The following PPFIA2 variants were observed in gnomAD, a reference collection of about 807,000 sequenced individuals.
The protein encoded by PPFIA2 is liprin-alpha-2.
Under a neutral mutation model 175.5 loss-of-function variants are expected in PPFIA2, and 46 were observed. That is an observed-to-expected ratio of 0.26 (90% CI 0.21 to 0.34). The LOEUF is 0.34. PPFIA2 is among the 10% of genes least tolerant of loss of function. PPFIA2 has a pLI of 1.00. For synonymous variants in PPFIA2, 568 were observed against 511.4 expected (o/e 1.11, Z -1.49); for missense variants, 1,179 against 1,506.1 (o/e 0.78, Z 3.60).
intron 4 of PPFIA2, among the ~76,000 whole-genome samples, chr12:81,629,294 A>G (rs1595782316): frequency 6.6e-6 from 1 of 152,190 alleles, no homozygotes; most frequent in East Asian, 1.9e-4. Flanking sequence ...GGAATCATTT[A>G]AAATACATTT....
intron 4 of PPFIA2, among the ~76,000 whole-genome samples, chr12:81,601,727 ACTTTCCAAAC>A (rs1197730982): frequency 6.6e-6 from 1 of 151,826 alleles, no homozygotes; most frequent in African/African-American, 2.4e-5. Context: ...CTAGTACTGT[ACTTTCCAAAC>A]CTGGTTTGTT....
intron 4 of PPFIA2, among the ~76,000 whole-genome samples, chr12:81,676,230 T>C (rs1017497321): frequency 6.6e-6 from 1 of 152,080 alleles, no homozygotes; most frequent in African/African-American, 2.4e-5. Context: ...CATAGGGATG[T>C]CATCTCTATC....
At chr12:81,373,264 C>G (rs2035608792) in intron 11 of PPFIA2, among the ~76,000 whole-genome samples, 2 of 151,580 alleles carry the variant, frequency 1.3e-5, no homozygotes, top group African/African-American at 4.8e-5. Context: ...ACTCATCTAA[C>G]CCCCCAAAAC....
At chr12:81,680,886 G>A (rs970287933) in intron 3 of PPFIA2, among the ~76,000 whole-genome samples, 2 of 151,910 alleles carry the variant, frequency 1.3e-5, no homozygotes, top group Non-Finnish European at 2.9e-5. Context: ...GTAGGTGCTG[G>A]TTCTTAGGGT....
intron 4 of PPFIA2, among the ~76,000 whole-genome samples, chr12:81,647,198 T>TA (rs1164067592): frequency 2.0e-5 from 3 of 152,058 alleles, no homozygotes; most frequent in African/African-American, 7.2e-5. Context: ...TAATTGGGCT[T>TA]AGTAGCAGAC....
At chr12:81,423,615 C>A (rs532555125) in intron 7 of PPFIA2, among the ~76,000 whole-genome samples, 1 of 152,008 alleles carries the variant, frequency 6.6e-6, no homozygotes, top group Admixed American at 6.6e-5. Context: ...AAAGATCATG[C>A]GGGAAAAGTA....
intron 4 of PPFIA2, among the ~76,000 whole-genome samples, chr12:81,489,733 T>C (rs2059228567): frequency 6.6e-6 from 1 of 151,950 alleles, no homozygotes. Flanking sequence ...AAGCTATACA[T>C]GAATAGTGAA....
Position 81,476,309 on chromosome 12 carries a change from A to C in PPFIA2, c.304-18443T>G, listed in dbSNP as rs2057471581. ...AGGTTTTTGTAGTGAGAAGTCTTTC[A>C]GACTTTCCTATTTGCCACACAGTCT... On this transcript the variant is annotated intron_variant, in intron 4 of 32. Transcript: ENST00000549396. Among the ~76,000 whole-genome samples, 3 of 152,200 alleles carry C rather than the reference A, an allele frequency of 2.0e-5. No individual in the cohort carries two copies. In the East Asian group the frequency reaches 5.8e-4, roughly 29 times the overall value.
intron 27 of PPFIA2, among the ~76,000 whole-genome samples, chr12:81,277,702 T>C (rs2040893153): frequency 6.6e-6 from 1 of 152,218 alleles, no homozygotes; most frequent in African/African-American, 2.4e-5. Context: ...TTCATTTAGC[T>C]ATTCCTACAT....
At chr12:81,477,376 G>T (rs931657035) in intron 4 of PPFIA2, among the ~76,000 whole-genome samples, 1 of 151,794 alleles carries the variant, frequency 6.6e-6, no homozygotes, top group Non-Finnish European at 1.5e-5. Context: ...TGATTATGAA[G>T]AAGTCAGGAA....
At chr12:81,620,760 C>T (rs2061962767) in intron 4 of PPFIA2, among the ~76,000 whole-genome samples, 1 of 152,144 alleles carries the variant, frequency 6.6e-6, no homozygotes, top group African/African-American at 2.4e-5. Flanking sequence ...CTAAGGTAAT[C>T]AGAATTGAGC....
At chr12:81,648,856 G>T (rs531342377) in intron 4 of PPFIA2, among the ~76,000 whole-genome samples, 1 of 151,804 alleles carries the variant, frequency 6.6e-6, no homozygotes, top group Admixed American at 6.6e-5. Flanking sequence ...CTTGATTTTG[G>T]CAAAATACTA....
At chr12:81,592,950 G>T (rs1013868805) in intron 4 of PPFIA2, among the ~76,000 whole-genome samples, 1 of 151,926 alleles carries the variant, frequency 6.6e-6, no homozygotes, top group African/African-American at 2.4e-5. Context: ...TAGAGACGGG[G>T]TTTCTCTGTG....
intron 7 of PPFIA2, among the ~76,000 whole-genome samples, chr12:81,417,010 T>C (rs1293951264): frequency 6.6e-6 from 1 of 151,802 alleles, no homozygotes; most frequent in African/African-American, 2.4e-5. Context: ...AAAGTTTATA[T>C]TTCATTTACT....
chr12:81,657,678 G>A (rs1427361232), intron 4 of PPFIA2, among the ~76,000 whole-genome samples: 5 of 152,136 alleles, frequency 3.3e-5, no homozygotes, highest in African/African-American at 4.8e-5. Flanking sequence ...AATGCAAACT[G>A]ATGTACCTTA....
chr12:81,672,558 T>C (rs958098468), intron 4 of PPFIA2, among the ~76,000 whole-genome samples: 1 of 151,920 alleles, frequency 6.6e-6, no homozygotes, highest in Admixed American at 6.6e-5. Flanking sequence ...ATGAATTAGA[T>C]GGGTAATCAC....
chr12:81,415,468 A>G (rs1161573801), intron 7 of PPFIA2, among the ~76,000 whole-genome samples: 1 of 149,794 alleles, frequency 6.7e-6, no homozygotes, highest in Non-Finnish European at 1.5e-5. Flanking sequence ...TTAATTGAAA[A>G]TACATCATAT....
chr12:81,680,888 T>C (rs2073487874), intron 3 of PPFIA2, among the ~76,000 whole-genome samples: 1 of 152,080 alleles, frequency 6.6e-6, no homozygotes, highest in South Asian at 2.1e-4. Flanking sequence ...AGGTGCTGGT[T>C]CTTAGGGTCA....
At chr12:81,292,068 T>A (rs1459495743) in intron 24 of PPFIA2, among the ~76,000 whole-genome samples, 4 of 152,116 alleles carry the variant, frequency 2.6e-5, no homozygotes, top group African/African-American at 9.7e-5. Flanking sequence ...AAATTCCCTA[T>A]TGTTCATTAA....
Sources: gnomAD v4.1 joint callset for allele counts (sites outside exome capture counted in the v4.1 genomes callset) on GRCh38, gnomAD v4.1.1 for gene constraint, MANE v1.5 for transcripts, NCBI Gene and HGNC (gene_info 2026-07-23, HGNC 2026-07-21) for gene names.